CPNE2: variants seen among roughly 807,000 people sequenced by gnomAD.
CPNE2 encodes the protein copine-2.
Under a neutral mutation model 69.7 loss-of-function variants are expected in CPNE2, and 42 were observed. That is an observed-to-expected ratio of 0.60 (90% CI 0.47 to 0.78). CPNE2 has a LOEUF of 0.78. Ranked by LOEUF, CPNE2 falls within the 30% of genes least tolerant of loss-of-function variation. The pLI is 0.00. For synonymous variants in CPNE2, 294 were observed against 289.8 expected, an observed-to-expected ratio of 1.01 and a Z score of -0.15; for missense variants, 587 against 732.0, an observed-to-expected ratio of 0.80 and a Z score of 2.29.
At chr16:57,093,109 A>T (rs943664123) in intron 1 of CPNE2, among the ~76,000 whole-genome samples, 1 of 150,528 alleles carries the variant, frequency 6.6e-6, no homozygotes, top group Non-Finnish European at 1.5e-5. Context: ...AGGGGCTTGG[A>T]GGGCGTACGG....
chr16:57,119,513 C>CA, intron 6 of CPNE2, 48 bp from the exon 7 acceptor site: 1 of 1,515,512 alleles, frequency 6.6e-7, no homozygotes, highest in Non-Finnish European at 9.1e-7. Flanking sequence ...AACCCCAGAG[C>CA]ACTGCTGCCC....
intron 4 of CPNE2, among the ~76,000 whole-genome samples, chr16:57,115,874 C>T (rs1280692683): frequency 6.6e-6 from 1 of 152,242 alleles, no homozygotes; most frequent in African/African-American, 2.4e-5. Context: ...ATGATTCCTG[C>T]AATGCGCAAC....
intron 1 of CPNE2, among the ~76,000 whole-genome samples, chr16:57,110,261 C>T (rs570996902): frequency 1.5e-4 from 22 of 143,988 alleles, no homozygotes; most frequent in East Asian, 1.0e-3. Context: ...ATCATTCTGT[C>T]GCCTAGGCTG....
At chr16:57,104,958 C>A in intron 1 of CPNE2, among the ~76,000 whole-genome samples, 1 of 152,170 alleles carries the variant, frequency 6.6e-6, no homozygotes, top group East Asian at 1.9e-4. Context: ...GGGGACAGGT[C>A]AGGCAGGGTC....
At chr16:57,106,849 T>G (rs2069651427) in intron 1 of CPNE2, among the ~76,000 whole-genome samples, 1 of 152,178 alleles carries the variant, frequency 6.6e-6, no homozygotes, top group African/African-American at 2.4e-5. Context: ...TCCCCAGCCC[T>G]GATCACAACC....
intron 5 of CPNE2, among the ~76,000 whole-genome samples, chr16:57,118,167 CTTTTTTT>C (rs375042587): frequency 7.4e-6 from 1 of 135,962 alleles, no homozygotes; most frequent in Non-Finnish European, 1.6e-5. Context: ...TACTTTCTTT[CTTTTTTT>C]TTTTTTTTTG....
chr16:57,097,327 C>T lies in CPNE2; in HGVS notation c.-36+4537C>T, dbSNP rs1173770638. Among the ~76,000 whole-genome samples, 14 of 152,116 alleles carry T rather than the reference C, an allele frequency of 9.2e-5. 1 individual carries two copies. On this transcript the variant is annotated intron_variant, in intron 1 of 15. Coordinates refer to ENST00000290776, the MANE Select transcript of CPNE2 (RefSeq NM_152727.6). ...CTGAGTGTGTCTTGATCATGGTTGCCCCTCCAGCACACAGCAAAGTCCCTG... is the reference window on the plus strand; with the variant it reads ...CTGAGTGTGTCTTGATCATGGTTGCTCCTCCAGCACACAGCAAAGTCCCTG...
chr16:57,103,475 C>T (rs1330039987), intron 1 of CPNE2, among the ~76,000 whole-genome samples: 2 of 152,192 alleles, frequency 1.3e-5, no homozygotes, highest in African/African-American at 2.4e-5. Context: ...TGACAGCACA[C>T]GGTGCCCTTG....
chr16:57,114,726 T>A (rs1260320494), intron 3 of CPNE2, among the ~76,000 whole-genome samples: 2 of 152,062 alleles, frequency 1.3e-5, no homozygotes, highest in African/African-American at 4.8e-5. Flanking sequence ...GACTTTGCAA[T>A]GTGGCCCACT....
intron 14 of CPNE2, among the ~76,000 whole-genome samples, chr16:57,138,410 C>A (rs941665052): frequency 2.0e-5 from 3 of 152,166 alleles, no homozygotes; most frequent in Non-Finnish European, 2.9e-5. Flanking sequence ...ACTGGAGGGT[C>A]AGATCCAGCC....
chr16:57,128,362 T>TGG (rs1273447354), intron 12 of CPNE2, among the ~76,000 whole-genome samples: 1 of 152,146 alleles, frequency 6.6e-6, no homozygotes, highest in Non-Finnish European at 1.5e-5. Flanking sequence ...CCCGAGTAGC[T>TGG]GGGATTACAG....
At chr16:57,115,303 C>T (rs1406686010) in intron 3 of CPNE2, among the ~76,000 whole-genome samples, 173 bp from the exon 4 acceptor site, 2 of 152,140 alleles carry the variant, frequency 1.3e-5, no homozygotes, top group Non-Finnish European at 1.5e-5. Flanking sequence ...CCTCACTGCC[C>T]AGATTGGCTG....
intron 8 of CPNE2, 102 bp from the exon 9 acceptor site, chr16:57,121,572 G>A (rs2069762234): frequency 8.8e-7 from 1 of 1,131,898 alleles, no homozygotes; most frequent in Middle Eastern, 2.2e-4. Flanking sequence ...GAAGCATGCT[G>A]CCCCCATTGT....
At position 57,092,699 on chromosome 16, in the gene CPNE2, G is replaced by T; in HGVS notation, c.-127G>T. On this transcript the variant is annotated 5_prime_UTR_variant, in exon 1 of 16. Transcript: ENST00000290776. The surrounding 1 kb of genome is among the most constrained non-coding windows in gnomAD (Gnocchi z 5.3). ...CTGTCCCGCGCCCGCGGGCCCGGCC[G>T]AGCAGGAGCAGCTCCCGGGGATGCC... The T allele has an allele frequency of 6.7e-6, 1 of 150,092 alleles. No homozygotes were observed. Among genetic ancestry groups the T allele is most frequent in the South Asian group, 1.8e-4 (1 of 5,408 alleles). 9.3% of individuals were successfully genotyped at this position (150,092 alleles called of 1,614,324 possible). A position where few individuals can be genotyped will look rare whatever the true frequency, so the allele number is the denominator to read the frequency against.
intron 5 of CPNE2, among the ~76,000 whole-genome samples, chr16:57,118,965 C>T (rs1384844206): frequency 6.6e-6 from 1 of 151,960 alleles, no homozygotes; most frequent in Non-Finnish European, 1.5e-5. Flanking sequence ...CAAGCTCTGA[C>T]AGCCTCAGGG....
At chr16:57,125,113 C>A in intron 10 of CPNE2, 1 of 337,496 alleles carries the variant, frequency 3.0e-6, no homozygotes. Context: ...TTCTAACCCT[C>A]CCCTGCTGGG....
chr16:57,095,561 C>A (rs1483679796), intron 1 of CPNE2, among the ~76,000 whole-genome samples: 1 of 152,214 alleles, frequency 6.6e-6, no homozygotes, highest in Non-Finnish European at 1.5e-5. Context: ...CAACCTCCAC[C>A]TCCCAGGTTC....
intron 12 of CPNE2, among the ~76,000 whole-genome samples, chr16:57,134,291 C>T (rs1242136719): frequency 6.6e-6 from 1 of 152,188 alleles, no homozygotes; most frequent in African/African-American, 2.4e-5. Context: ...GCTGTCAGCT[C>T]ACCCCCGTTT....
At position 57,136,025 on chromosome 16, in the gene CPNE2, GGGGA is replaced by G. The variant is rs534501124; in HGVS notation, c.1169-1113_1169-1110del. ...AAGGAAAGGAGGAAGGGAGGGAGGA[GGGGA>G]GGGAGGGAGGAAGAAAGGAAGAAAG... is the stretch of plus-strand genomic sequence containing the variant. On this transcript the variant is annotated intron_variant, in intron 13 of 15. Transcript: ENST00000290776. 2.4e-4 allele frequency among the ~76,000 whole-genome samples: 35 copies of G among 148,360 alleles called. 1 individual carries two copies. The highest frequency in any genetic ancestry group is 2.1e-3 in the Admixed American group (31 of 14,860).
Sources: gnomAD v4.1 joint callset for allele counts (sites outside exome capture counted in the v4.1 genomes callset) on GRCh38, gnomAD v4.1.1 for gene constraint, Gnocchi (gnomAD v3.1) non-coding constraint, MANE v1.5 for transcripts, NCBI Gene and HGNC (gene_info 2026-07-23, HGNC 2026-07-21) for gene names.